The following AGBL1 variants were observed in gnomAD, a reference collection of about 807,000 sequenced individuals.
AGBL1 encodes AGBL carboxypeptidase 1, also known as cytosolic carboxypeptidase 4.
AGBL1 carries 130 observed loss-of-function variants against 118.9 expected under a neutral mutation model. The ratio of observed to expected loss-of-function variants is 1.09; its 90% CI spans 0.95 to 1.26. The LOEUF (loss-of-function observed/expected upper bound fraction) is 1.26, where lower values mean the gene tolerates loss of function less well. Among genes scored for constraint, AGBL1 ranks in the 50% most tolerant of loss-of-function variants. The probability of loss-of-function intolerance (pLI) is 0.00; values close to 1 mark genes in which losing one functional copy is unlikely to be tolerated. For synonymous variants in AGBL1, 555 were observed against 478.9 expected, an observed-to-expected ratio of 1.16 and a Z score of -2.08; for missense variants, 1,584 against 1,298.1, an observed-to-expected ratio of 1.22 and a Z score of -3.38.
At chr15:87,028,020 C>T (rs529802544) in intron 24 of AGBL1, among the ~76,000 whole-genome samples, 6 of 139,754 alleles carry the variant, frequency 4.3e-5, no homozygotes, top group South Asian at 2.2e-4. Flanking sequence ...GCACATCCTG[C>T]GCACATACAC....
At chr15:86,718,446 T>C (rs2086669723) in intron 22 of AGBL1, among the ~76,000 whole-genome samples, 1 of 152,020 alleles carries the variant, frequency 6.6e-6, no homozygotes, top group Admixed American at 6.6e-5. Context: ...AATGACGAGT[T>C]AATGGGTGCA....
chr15:86,548,753 T>C (rs569755154), intron 20 of AGBL1, among the ~76,000 whole-genome samples: 141 of 151,594 alleles, frequency 9.3e-4, no homozygotes, highest in African/African-American at 3.3e-3. Flanking sequence ...AAAGCTAAGA[T>C]AGGCTCTCTA....
chr15:86,876,304 G>C (rs1398094004), intron 22 of AGBL1, among the ~76,000 whole-genome samples: 4 of 152,096 alleles, frequency 2.6e-5, no homozygotes, highest in Non-Finnish European at 5.9e-5. Context: ...CTTCGGGGCA[G>C]GACTCCAGAC....
chr15:86,367,408 G>A (rs572331923), intron 17 of AGBL1, among the ~76,000 whole-genome samples: 12 of 152,226 alleles, frequency 7.9e-5, no homozygotes, highest in African/African-American at 2.9e-4. Flanking sequence ...TCAAATACAA[G>A]TCCTAGAGCT....
At chr15:86,301,463 CA>C (rs2079743821) in intron 17 of AGBL1, among the ~76,000 whole-genome samples, 1 of 150,728 alleles carries the variant, frequency 6.6e-6, no homozygotes, top group Admixed American at 6.6e-5. Flanking sequence ...AAATTAACTA[CA>C]AGAGCATAAT....
chr15:86,443,410 G>T (rs558685791), intron 18 of AGBL1, among the ~76,000 whole-genome samples: 7 of 152,116 alleles, frequency 4.6e-5, no homozygotes, highest in South Asian at 2.1e-4. Context: ...TGAAATCAGG[G>T]TATTAGCATA....
At chr15:86,403,372 A>C (rs1299758318) in intron 18 of AGBL1, among the ~76,000 whole-genome samples, 1 of 152,198 alleles carries the variant, frequency 6.6e-6, no homozygotes, top group African/African-American at 2.4e-5. Context: ...ACAGCAATAA[A>C]GAGCAAAGAC....
Position 86,413,514 on chromosome 15 carries a change from C to G in AGBL1, c.2555+15968C>G, listed in dbSNP as rs561275543. ...ACAGTCTATAAGTGGTCCCTTTTCTCTGTTTCCTCACCAACATCTGTTATT... is the reference window on the plus strand; with the variant it reads ...ACAGTCTATAAGTGGTCCCTTTTCTGTGTTTCCTCACCAACATCTGTTATT... On this transcript the variant is annotated intron_variant, in intron 18 of 22. Transcript: ENST00000614907. 6.3e-4 allele frequency among the ~76,000 whole-genome samples: 96 copies of G among 152,240 alleles called. No homozygotes were observed. The Middle Eastern group carries it at 0.01, about 16-fold the overall frequency.
intron 17 of AGBL1, among the ~76,000 whole-genome samples, chr15:86,300,285 G>C (rs2079725555): frequency 6.6e-6 from 1 of 152,102 alleles, no homozygotes; most frequent in Non-Finnish European, 1.5e-5. Context: ...TTTTAGCCTG[G>C]AGAAAGTTGA....
chr15:86,196,032 A>T (rs1181800760), intron 5 of AGBL1, among the ~76,000 whole-genome samples: 1 of 152,200 alleles, frequency 6.6e-6, no homozygotes, highest in Non-Finnish European at 1.5e-5. Flanking sequence ...GACATTTTTT[A>T]AAAACCATAG....
At chr15:86,460,956 G>A (rs960041367) in intron 18 of AGBL1, among the ~76,000 whole-genome samples, 5 of 152,256 alleles carry the variant, frequency 3.3e-5, no homozygotes, top group Admixed American at 1.3e-4. Context: ...GAGAGAACTG[G>A]CGGTTCAGTA....
intron 24 of AGBL1, among the ~76,000 whole-genome samples, chr15:86,997,574 T>C (rs1243060061): frequency 6.6e-6 from 1 of 152,074 alleles, no homozygotes; most frequent in African/African-American, 2.4e-5. Context: ...AAAAGCACAA[T>C]AGATATTGAT....
In AGBL1 at chr15:86,159,002, C is replaced by T. The variant is rs2077230551; in HGVS notation, c.464C>T (p.Thr155Ile). 1.2e-6 allele frequency: 2 copies of T among 1,613,332 alleles called. No individual in the cohort carries two copies. Among genetic ancestry groups the T allele is most frequent in the Non-Finnish European group, 8.5e-7 (1 of 1,179,392 alleles). Residue 155 changes from threonine (T) to isoleucine (I), a missense_variant, in exon 5 of 23, where the codon ACC (threonine) becomes ATC (isoleucine). Physicochemically the swap from Thr to Ile is moderately conservative, Grantham distance 89 (BLOSUM62 -1). Transcript: ENST00000614907. ...CTTTTCAAGGTTATTACTCCTTACA[C>T]CCGAAAGCGCACCCAAGCAATCAGG... ...ELLFKVITPY[T>I]RKRTQAIRAA...
At chr15:86,775,797 C>T (rs2078247596) in intron 22 of AGBL1, among the ~76,000 whole-genome samples, 1 of 152,048 alleles carries the variant, frequency 6.6e-6, no homozygotes, top group African/African-American at 2.4e-5. Context: ...CACATAAAAA[C>T]ATTTAGAAAA....
At chr15:86,620,810 C>CT (rs941331399) in intron 21 of AGBL1, among the ~76,000 whole-genome samples, 2,032 of 147,076 alleles carry the variant, frequency 0.014, 34 homozygotes, top group African/African-American at 0.041. Context: ...ATATTAGCTC[C>CT]TTTTTTTTTT....
chr15:86,465,498 G>C (rs1462359129), intron 18 of AGBL1, among the ~76,000 whole-genome samples: 2 of 152,200 alleles, frequency 1.3e-5, no homozygotes, highest in Non-Finnish European at 2.9e-5. Flanking sequence ...GGGAAGAACA[G>C]AGTCATATTT....
intron 22 of AGBL1, among the ~76,000 whole-genome samples, chr15:86,767,222 G>C (rs1205735005): frequency 6.6e-6 from 1 of 151,934 alleles, no homozygotes; most frequent in Non-Finnish European, 1.5e-5. Context: ...TATGGAACTA[G>C]ATAGCCTAAA....
chr15:86,224,837 C>T, intron 5 of AGBL1, 77 bp from the exon 6 acceptor site: 2 of 1,423,116 alleles, frequency 1.4e-6, no homozygotes, highest in Non-Finnish European at 9.9e-7. Flanking sequence ...TGGCAATGGG[C>T]ATGCTGGCTG....
At chr15:86,370,095 A>T (rs1322586086) in intron 17 of AGBL1, among the ~76,000 whole-genome samples, 1 of 152,178 alleles carries the variant, frequency 6.6e-6, no homozygotes, top group Non-Finnish European at 1.5e-5. Flanking sequence ...TCATTAAGAA[A>T]TCACCCTAGA....
Sources: gnomAD v4.1 joint callset for allele counts (sites outside exome capture counted in the v4.1 genomes callset) on GRCh38, gnomAD v4.1.1 for gene constraint, MANE v1.5 for transcripts, NCBI Gene and HGNC (gene_info 2026-07-23, HGNC 2026-07-21) for gene names.